Variants in TNIK observed in about 807,000 individuals in gnomAD.
The protein encoded by TNIK is TRAF2 and NCK-interacting protein kinase.
Under a neutral mutation model 191.3 loss-of-function variants are expected in TNIK, and 49 were observed. The observed-to-expected ratio is 0.26, with a 90% CI of 0.20 to 0.32. The LOEUF (loss-of-function observed/expected upper bound fraction) is 0.32, where lower values mean the gene tolerates loss of function less well. TNIK is among the 10% of genes least tolerant of loss of function. The pLI, the probability that TNIK is intolerant of heterozygous loss-of-function variation, is 1.00. For missense variants in TNIK, 1,155 were observed against 1,702.3 expected (o/e 0.68, Z 5.66); for synonymous variants, 594 against 600.9 (o/e 0.99, Z 0.17).
At chr3:171,394,721 G>A (rs1195923604) in intron 1 of TNIK, among the ~76,000 whole-genome samples, 1 of 152,166 alleles carries the variant, frequency 6.6e-6, no homozygotes, top group African/African-American at 2.4e-5. Context: ...AAACAAATGG[G>A]AATTCAAGAA....
chr3:171,109,284 T>G (rs1431325744), intron 19 of TNIK, among the ~76,000 whole-genome samples: 1 of 152,208 alleles, frequency 6.6e-6, no homozygotes, highest in Non-Finnish European at 1.5e-5. Flanking sequence ...ACCTCGGCCT[T>G]CCGGGTACCT....
intron 2 of TNIK, among the ~76,000 whole-genome samples, chr3:171,267,298 T>C (rs1201910881): frequency 6.6e-6 from 1 of 152,186 alleles, no homozygotes; most frequent in Non-Finnish European, 1.5e-5. Flanking sequence ...TCTCTTTACC[T>C]GGCTTTGTTC....
At chr3:171,114,178 GA>G (rs1726329936) in intron 18 of TNIK, among the ~76,000 whole-genome samples, 1 of 152,112 alleles carries the variant, frequency 6.6e-6, no homozygotes, top group Non-Finnish European at 1.5e-5. Context: ...CAGATGCTGA[GA>G]AGAGAAACAT....
chr3:171,100,969 T>C (rs1723451120), intron 22 of TNIK, among the ~76,000 whole-genome samples: 1 of 152,078 alleles, frequency 6.6e-6, no homozygotes. Flanking sequence ...ATTATCTGAG[T>C]CCTGATTCTT....
chr3:171,343,194 G>A (rs1711579450), intron 2 of TNIK, among the ~76,000 whole-genome samples: 1 of 152,178 alleles, frequency 6.6e-6, no homozygotes, highest in Non-Finnish European at 1.5e-5. Flanking sequence ...AAAGAATACA[G>A]CATGGAGAGG....
At chr3:171,420,732 G>A (rs1723691916) in intron 1 of TNIK, among the ~76,000 whole-genome samples, 1 of 152,068 alleles carries the variant, frequency 6.6e-6, no homozygotes. Flanking sequence ...GCACTTTGGG[G>A]CCATTATTAA....
Position 171,326,523 on chromosome 3 carries a change from G to A in TNIK, c.123+43097C>T, listed in dbSNP as rs554135571. ...ATTTTGATAAAATGATAATCAGCAG[G>A]TAAAATCTATCCCAGTGATTCTCAA... On this transcript the variant is annotated intron_variant, in intron 2 of 32. Coordinates refer to ENST00000436636, the MANE Select transcript of TNIK (RefSeq NM_015028.4). Among the ~76,000 whole-genome samples the A allele has an allele frequency of 7.4e-4, 113 of 152,274 alleles. 2 individuals are homozygous for A. The highest frequency in any genetic ancestry group is 6.4e-3 in the South Asian group (31 of 4,822).
chr3:171,268,160 A>G (rs1310164776), intron 2 of TNIK, among the ~76,000 whole-genome samples: 2 of 152,142 alleles, frequency 1.3e-5, no homozygotes, highest in Non-Finnish European at 2.9e-5. Flanking sequence ...ACAGTCTCTC[A>G]TTGACCAAAC....
At chr3:171,132,964 G>C (rs1167800433) in intron 15 of TNIK, among the ~76,000 whole-genome samples, 2 of 152,158 alleles carry the variant, frequency 1.3e-5, no homozygotes, top group African/African-American at 4.8e-5. Context: ...AGAGAAAGAA[G>C]CCAGTAAGTA....
chr3:171,389,202 A>G (rs1275048021), intron 1 of TNIK, among the ~76,000 whole-genome samples: 9 of 152,292 alleles, frequency 5.9e-5, no homozygotes, highest in Admixed American at 2.6e-4. Flanking sequence ...TAGGTCCTCA[A>G]AAATGCCATC....
chr3:171,295,279 A>G (rs1476484853), intron 2 of TNIK, among the ~76,000 whole-genome samples: 1 of 152,182 alleles, frequency 6.6e-6, no homozygotes, highest in Non-Finnish European at 1.5e-5. Flanking sequence ...AGAGGAGAAG[A>G]AGGAACCATC....
chr3:171,182,287 C>T (rs1385487676), intron 7 of TNIK, among the ~76,000 whole-genome samples: 1 of 145,962 alleles, frequency 6.9e-6, no homozygotes, highest in Non-Finnish European at 1.5e-5. Flanking sequence ...ACTGCCCATG[C>T]TAGAAAGCCA....
At chr3:171,371,778 A>G (rs1312826469) in intron 1 of TNIK, among the ~76,000 whole-genome samples, 1 of 152,180 alleles carries the variant, frequency 6.6e-6, no homozygotes, top group Non-Finnish European at 1.5e-5. Flanking sequence ...AGGAAAAGAA[A>G]AAAAAAGCCC....
intron 2 of TNIK, among the ~76,000 whole-genome samples, chr3:171,235,425 A>C (rs1469562570): frequency 6.6e-6 from 1 of 152,168 alleles, no homozygotes; most frequent in Non-Finnish European, 1.5e-5. Context: ...CAAAGTATGT[A>C]CATGCAGCCA....
intron 2 of TNIK, among the ~76,000 whole-genome samples, chr3:171,350,687 C>G (rs1272855950): frequency 1.4e-5 from 2 of 147,918 alleles, no homozygotes. Flanking sequence ...TAAAAACTAA[C>G]TTTTTTGAGT....
rs1410693185 is a variant in TNIK at position 171,211,189 on chromosome 3, T to A, written c.233A>T (p.His78Leu). The A allele has an allele frequency of 1.2e-6, 2 of 1,610,688 alleles. No individual in the cohort carries two copies. Among genetic ancestry groups the A allele is most frequent in the South Asian group, 2.2e-5 (2 of 90,834 alleles). The change falls in exon 4 of 33, where the codon CAT becomes CTT. Residue 78 changes from histidine to leucine, a missense_variant. Transcript: ENST00000436636. ...QEINMLKKYS[H>L]HRNIATYYGA... is the part of the protein sequence containing the mutation. ...ATAGTATGTAGCAATATTCCGGTGA[T>A]GAGAATATTTCTTCAACATGTTAAT...
chr3:171,242,967 G>C (rs1482929505), intron 2 of TNIK, among the ~76,000 whole-genome samples: 8 of 152,236 alleles, frequency 5.3e-5, no homozygotes, highest in Admixed American at 3.9e-4. Flanking sequence ...AAAATCTTTG[G>C]AAATAATAAA....
intron 12 of TNIK, among the ~76,000 whole-genome samples, chr3:171,151,270 T>C (rs1732401921): frequency 6.6e-6 from 1 of 152,166 alleles, no homozygotes. Context: ...TATTAGACAT[T>C]TATTGCTCTT....
intron 2 of TNIK, among the ~76,000 whole-genome samples, chr3:171,357,289 A>ATTT (rs113929884): frequency 1.4e-5 from 2 of 143,924 alleles, no homozygotes; most frequent in Non-Finnish European, 1.5e-5. Flanking sequence ...ACTCAGCAGA[A>ATTT]TTTTTTTTTT....
Sources: gnomAD v4.1 joint callset for allele counts (sites outside exome capture counted in the v4.1 genomes callset) on GRCh38, gnomAD v4.1.1 for gene constraint, MANE v1.5 for transcripts, NCBI Gene and HGNC (gene_info 2026-07-23, HGNC 2026-07-21) for gene names.